The following SLCO6A1 variants were observed in gnomAD, a reference collection of about 807,000 sequenced individuals.
SLCO6A1 encodes solute carrier organic anion transporter family member 6A1, also known as cancer/testis antigen 48.
A neutral mutation model predicts 72.7 loss-of-function variants in SLCO6A1; 65 were observed. The ratio of observed to expected loss-of-function variants is 0.89; its 90% confidence interval spans 0.73 to 1.10. The LOEUF is 1.10. SLCO6A1 is among the 50% of genes least tolerant of loss of function. SLCO6A1 has a pLI of 0.00. For missense variants in SLCO6A1, 874 were observed against 872.6 expected, an observed-to-expected ratio of 1.00 and a Z score of -0.02; for synonymous variants, 314 against 298.2, an observed-to-expected ratio of 1.05 and a Z score of -0.55.
chr5:102,412,641 G>A (rs1001815160), intron 9 of SLCO6A1, among the ~76,000 whole-genome samples: 1 of 151,940 alleles, frequency 6.6e-6, no homozygotes, highest in Admixed American at 6.6e-5. Flanking sequence ...TGCGCCTGTA[G>A]TTTCAACTAT....
In SLCO6A1 at chr5:102,480,431, A is replaced by G. The variant is rs1413488337; in HGVS notation, c.362T>C (p.Val121Ala). The G allele has an allele frequency of 3.7e-6, 6 of 1,603,158 alleles. No homozygotes were observed. Among genetic ancestry groups the G allele is most frequent in the Non-Finnish European group, 4.3e-6 (5 of 1,175,938 alleles). Residue 121 changes from valine to alanine, a missense_variant, in exon 2 of 14, where the codon GTG (valine) becomes GCG (alanine). Physicochemically the swap from Val to Ala is moderately conservative, Grantham distance 64 (BLOSUM62 0). Coordinates refer to ENST00000506729, the MANE Select transcript of SLCO6A1 (RefSeq NM_173488.5). Reference sequence around the variant, plus strand: ...GCTGACATCTATAAGACCAAACACCACACCTAAAATGTAAAAAGAAAAAGA... The same window carrying G: ...GCTGACATCTATAAGACCAAACACCGCACCTAAAATGTAAAAAGAAAAAGA... Reference protein sequence around the residue: ...FYCILLICQGVVFGLIDVSIG... With the variant: ...FYCILLICQGAVFGLIDVSIG...
intron 12 of SLCO6A1, among the ~76,000 whole-genome samples, chr5:102,379,892 TTTTA>T (rs1421650364): frequency 1.3e-5 from 2 of 151,988 alleles, no homozygotes; most frequent in African/African-American, 4.8e-5. Flanking sequence ...TTTATTTAGA[TTTTA>T]TTTAATTTTT....
At chr5:102,433,791 TG>T (rs1384947135) in intron 7 of SLCO6A1, among the ~76,000 whole-genome samples, 1 of 152,130 alleles carries the variant, frequency 6.6e-6, no homozygotes, top group Non-Finnish European at 1.5e-5. Flanking sequence ...TTTTTGGCTG[TG>T]GCAGGGTGCT....
At chr5:102,458,321 T>C in intron 6 of SLCO6A1, 61 bp downstream of exon 6, 2 of 1,252,282 alleles carry the variant, frequency 1.6e-6, no homozygotes, top group South Asian at 1.4e-5. Flanking sequence ...CATAAGTTCA[T>C]TATTAGAAAA....
chr5:102,411,829 G>T (rs543041804), intron 9 of SLCO6A1, among the ~76,000 whole-genome samples: 16 of 151,980 alleles, frequency 1.1e-4, no homozygotes, highest in South Asian at 1.0e-3. Context: ...AGTCCTTTGT[G>T]GGGGGGAAAT....
intron 6 of SLCO6A1, among the ~76,000 whole-genome samples, chr5:102,450,637 C>T (rs1034462202): frequency 6.6e-6 from 1 of 152,214 alleles, no homozygotes; most frequent in African/African-American, 2.4e-5. Context: ...CCTTTTCTTC[C>T]CTCCCTGGCT....
rs1750646658 is a variant in SLCO6A1, at chr5:102,371,954, A to G, written c.*185T>C. 6.6e-6 allele frequency: 1 copy of G among 152,052 alleles called. No homozygotes were observed. Among genetic ancestry groups the G allele is most frequent in the Admixed American group, 6.6e-5 (1 of 15,240 alleles). 9.4% of individuals were successfully genotyped at this position (152,052 alleles called of 1,614,324 possible). On this transcript the variant is annotated 3_prime_UTR_variant, in exon 14 of 14. Transcript: ENST00000506729. Reference sequence around the variant, plus strand: ...AAAACATTATCAGAAATGTTTCACAATAGGACACTTTATTATGAAAATGCA... The same window carrying G: ...AAAACATTATCAGAAATGTTTCACAGTAGGACACTTTATTATGAAAATGCA...
At chr5:102,390,746 G>T (rs1208141506) in intron 11 of SLCO6A1, among the ~76,000 whole-genome samples, 3 of 152,032 alleles carry the variant, frequency 2.0e-5, no homozygotes, top group Non-Finnish European at 4.4e-5. Context: ...CAAATTTGTT[G>T]TCTCTTCTGA....
intron 1 of SLCO6A1, among the ~76,000 whole-genome samples, chr5:102,497,281 T>C (rs1026724639): frequency 1.3e-5 from 2 of 152,200 alleles, no homozygotes; most frequent in Non-Finnish European, 1.5e-5. Context: ...TATAAATTCA[T>C]AGATGAGGAA....
At chr5:102,381,830 A>G (rs569700459) in intron 12 of SLCO6A1, among the ~76,000 whole-genome samples, 3 of 150,472 alleles carry the variant, frequency 2.0e-5, no homozygotes, top group Non-Finnish European at 3.0e-5. Flanking sequence ...TGATTTAGGC[A>G]TTCAGAAATA....
At chr5:102,455,174 C>CA (rs561553294) in intron 6 of SLCO6A1, among the ~76,000 whole-genome samples, 48 of 151,466 alleles carry the variant, frequency 3.2e-4, no homozygotes, top group Middle Eastern at 3.4e-3. Flanking sequence ...TAGCATCTAC[C>CA]AAAATACAGG....
At chr5:102,435,191 G>A (rs1749460597) in intron 7 of SLCO6A1, among the ~76,000 whole-genome samples, 1 of 152,056 alleles carries the variant, frequency 6.6e-6, no homozygotes, top group African/African-American at 2.4e-5. Flanking sequence ...TAAAATTCCT[G>A]TGTGAAATCA....
chr5:102,418,665 AC>A (rs1225842099), intron 8 of SLCO6A1, among the ~76,000 whole-genome samples: 5 of 152,030 alleles, frequency 3.3e-5, no homozygotes, highest in African/African-American at 1.2e-4. Context: ...GACCAAATTA[AC>A]TCCTGGCCAG....
At chr5:102,496,256 G>A (rs991278281) in intron 1 of SLCO6A1, among the ~76,000 whole-genome samples, 1 of 152,152 alleles carries the variant, frequency 6.6e-6, no homozygotes, top group African/African-American at 2.4e-5. Context: ...TGAAGAATCT[G>A]GTTGACTCAC....
chr5:102,425,508 C>T (rs912599461), intron 7 of SLCO6A1, among the ~76,000 whole-genome samples: 7 of 152,040 alleles, frequency 4.6e-5, no homozygotes, highest in African/African-American at 1.7e-4. Flanking sequence ...AGTGAATTCC[C>T]ATTCACAACT....
At chr5:102,458,136 GA>G (rs1175054992) in intron 6 of SLCO6A1, among the ~76,000 whole-genome samples, 1 of 151,930 alleles carries the variant, frequency 6.6e-6, no homozygotes, top group East Asian at 1.9e-4. Flanking sequence ...AGCATTTGGA[GA>G]TATACCTAAT....
intron 4 of SLCO6A1, among the ~76,000 whole-genome samples, chr5:102,465,580 G>A (rs1401403445): frequency 1.3e-5 from 2 of 151,994 alleles, no homozygotes; most frequent in Non-Finnish European, 1.5e-5. Context: ...GTCTAAAACA[G>A]TTACCATTAC....
intron 8 of SLCO6A1, among the ~76,000 whole-genome samples, chr5:102,416,036 T>C (rs1174258009): frequency 6.6e-6 from 1 of 152,160 alleles, no homozygotes; most frequent in Non-Finnish European, 1.5e-5. Context: ...GAATGGCTAT[T>C]TTTAAAAAGT....
chr5:102,483,781 TG>T (rs1752319888), intron 1 of SLCO6A1, among the ~76,000 whole-genome samples: 1 of 152,208 alleles, frequency 6.6e-6, no homozygotes, highest in Non-Finnish European at 1.5e-5. Context: ...GTACAGGATT[TG>T]GGGTTTCATG....
Sources: allele counts gnomAD v4.1 joint callset (sites outside exome capture counted in the v4.1 genomes callset), GRCh38; gene constraint gnomAD v4.1.1; transcripts MANE v1.5; gene names NCBI Gene and HGNC (gene_info 2026-07-23, HGNC 2026-07-21).